FREM3: variants seen among roughly 807,000 people sequenced by gnomAD.
The protein encoded by FREM3 is FRAS1-related extracellular matrix protein 3.
In FREM3, 105 loss-of-function variants were observed where a neutral mutation model predicts 129.1. The ratio of observed to expected loss-of-function variants is 0.81; its 90% CI spans 0.69 to 0.96. The LOEUF (loss-of-function observed/expected upper bound fraction) is 0.96, where lower values mean the gene tolerates loss of function less well. FREM3 is among the 40% of genes least tolerant of loss of function. The pLI, the probability that FREM3 is intolerant of heterozygous loss-of-function variation, is 0.00. For missense variants in FREM3, 2,593 were observed against 2,666.3 expected (o/e 0.97, Z 0.61); for synonymous variants, 1,014 against 1,044.9 (o/e 0.97, Z 0.57).
intron 7 of FREM3, among the ~76,000 whole-genome samples, chr4:143,583,673 AG>A (rs1190629814): frequency 6.6e-6 from 1 of 152,110 alleles, no homozygotes; most frequent in African/African-American, 2.4e-5. Flanking sequence ...AAAAAAAAAA[AG>A]AATCTCAACC....
chr4:143,591,697 T>G (rs1738366078), intron 6 of FREM3, among the ~76,000 whole-genome samples: 1 of 152,190 alleles, frequency 6.6e-6, no homozygotes, highest in Non-Finnish European at 1.5e-5. Context: ...GGTGTGGTGC[T>G]GAAAAGAATG....
At chr4:143,642,386 T>C (rs1042210850) in intron 2 of FREM3, among the ~76,000 whole-genome samples, 4 of 152,118 alleles carry the variant, frequency 2.6e-5, no homozygotes, top group Non-Finnish European at 1.5e-5. Flanking sequence ...GACCTCAAAA[T>C]ACACTACAAA....
intron 2 of FREM3, among the ~76,000 whole-genome samples, chr4:143,674,139 G>A (rs1170726085): frequency 6.6e-6 from 1 of 152,096 alleles, no homozygotes; most frequent in Non-Finnish European, 1.5e-5. Flanking sequence ...GATGAACCCG[G>A]TACCTCAGTT....
rs540140531 is a variant in FREM3, at chr4:143,661,321, G to A, written c.5275+31792C>T. Among the ~76,000 whole-genome samples, 14 of 152,268 alleles carry A rather than the reference G, an allele frequency of 9.2e-5. No individual in the cohort carries two copies. The East Asian group carries it at 2.7e-3, about 29-fold the overall frequency. On this transcript the variant is annotated intron_variant, in intron 2 of 7. Coordinates refer to ENST00000329798, the MANE Select transcript of FREM3 (RefSeq NM_001168235.2). Reference sequence around the variant, plus strand: ...TAAGGGTTGTTGAATTTTGTCAAAGGCCTTTTCTGCATCTATTGAGATAAT... The same window carrying A: ...TAAGGGTTGTTGAATTTTGTCAAAGACCTTTTCTGCATCTATTGAGATAAT...
chr4:143,586,534 T>C (rs1018927384), intron 6 of FREM3, among the ~76,000 whole-genome samples: 15 of 152,070 alleles, frequency 9.9e-5, no homozygotes, highest in Admixed American at 3.9e-4. Flanking sequence ...TTAGCTGAGA[T>C]GCCAGAAGCG....
intron 2 of FREM3, among the ~76,000 whole-genome samples, chr4:143,677,749 C>T (rs1158012034): frequency 6.6e-6 from 1 of 152,172 alleles, no homozygotes; most frequent in Non-Finnish European, 1.5e-5. Context: ...AGACACTTCT[C>T]AAAAGAAGAC....
At position 143,699,698 on chromosome 4, in the gene FREM3, C is replaced by T. The variant is rs368005113; in HGVS notation, c.978G>A (p.Thr326=). 2.6e-6 allele frequency: 4 copies of T among 1,522,674 alleles called. No homozygotes were observed. Among genetic ancestry groups the T allele is most frequent in the South Asian group, 1.2e-5 (1 of 81,926 alleles). The allele number at this position is 1,522,674 out of a possible 1,614,324, so 94.3% of individuals were successfully genotyped here. The change falls in exon 1 of 8, where the codon ACG becomes ACA. Residue 326 remains threonine, a synonymous_variant. Transcript: ENST00000329798. The surrounding 1 kb of genome is among the most constrained non-coding windows in gnomAD (Gnocchi z 4.2). The stretch of plus-strand genomic sequence containing the variant: ...CGTCCTCCGCGGCCAGTGCGTCAGG[C>T]GTCAGGGCTGTCAGCACCAGTGGAT... The part of the protein sequence containing the change: ...EVDPLVLTAL[T]PDALAAEDVE...
chr4:143,662,281 A>G (rs1351167960), intron 2 of FREM3, among the ~76,000 whole-genome samples: 4 of 152,108 alleles, frequency 2.6e-5, no homozygotes, highest in Non-Finnish European at 5.9e-5. Flanking sequence ...AGATTCTGGT[A>G]TGTTGTGTCT....
At chr4:143,682,253 GC>G (rs1740265905) in intron 2 of FREM3, among the ~76,000 whole-genome samples, 1 of 152,114 alleles carries the variant, frequency 6.6e-6, no homozygotes. Context: ...AATTTTCCAG[GC>G]CTAAGTAACA....
At position 143,699,181 on chromosome 4, in the gene FREM3, C is replaced by T. The variant is rs969343900; in HGVS notation, c.1495G>A (p.Ala499Thr). Residue 499 changes from alanine (A) to threonine (T), a missense_variant, in exon 1 of 8, where the codon GCA becomes ACA. By Grantham distance (58) the Ala-to-Thr change is moderately conservative. This residue lies in a region of FREM3 where 2,276 missense variants were observed against 2,267.2 expected (regional missense o/e 1.00). Transcript: ENST00000329798. This position sits in a 1 kb window ranked among gnomAD's most constrained non-coding sequence, Gnocchi z 4.2. Reference sequence around the variant, plus strand: ...TGCTGATACACCACTCGCCCTGCTGCCAGGTCCGCTGGTGTGAAATACTTG... The same window carrying T: ...TGCTGATACACCACTCGCCCTGCTGTCAGGTCCGCTGGTGTGAAATACTTG... The part of the protein sequence containing the change: ...GCKYFTPADL[A>T]AGRVVYQHDG... 2 of 1,537,218 alleles carry T rather than the reference C, an allele frequency of 1.3e-6. No homozygotes were observed. The highest frequency in any genetic ancestry group is 1.7e-6 in the Non-Finnish European group (2 of 1,146,948).
rs557511697 is a variant in FREM3, at chr4:143,660,494, G to A, written c.5275+32619C>T. Among the ~76,000 whole-genome samples the A allele has an allele frequency of 4.6e-5, 7 of 152,282 alleles. No individual in the cohort carries two copies. In the South Asian group the frequency reaches 1.5e-3, roughly 32 times the overall value. On this transcript the variant is annotated intron_variant, in intron 2 of 7. Coordinates refer to ENST00000329798, the MANE Select transcript of FREM3 (RefSeq NM_001168235.2). ...CTGTTTTGGTTACTGTAGCCTTGTA[G>A]TATAGTTTGAAGTCGAGTAGCGTGA... is the stretch of plus-strand genomic sequence containing the variant.
At chr4:143,673,409 T>C (rs549354113) in intron 2 of FREM3, among the ~76,000 whole-genome samples, 2 of 152,280 alleles carry the variant, frequency 1.3e-5, no homozygotes, top group African/African-American at 2.4e-5. Context: ...GAGCAGCGAA[T>C]ATTGGTGAAC....
intron 2 of FREM3, among the ~76,000 whole-genome samples, chr4:143,665,655 A>G (rs1470619477): frequency 1.3e-5 from 2 of 152,206 alleles, no homozygotes; most frequent in East Asian, 1.9e-4. Context: ...GTGAAATCCT[A>G]TATAAAAGAC....
intron 1 of FREM3, among the ~76,000 whole-genome samples, chr4:143,694,310 A>G (rs1437147936): frequency 6.6e-6 from 1 of 152,182 alleles, no homozygotes; most frequent in Non-Finnish European, 1.5e-5. Flanking sequence ...CTGCACAAGT[A>G]TAGAGCTTGA....
chr4:143,622,959 T>G (rs893030564), intron 4 of FREM3, among the ~76,000 whole-genome samples: 2 of 152,222 alleles, frequency 1.3e-5, no homozygotes, highest in Non-Finnish European at 2.9e-5. Flanking sequence ...ATCAAAGTGT[T>G]GTTCTCAACA....
chr4:143,615,731 A>G (rs542453296), intron 5 of FREM3, among the ~76,000 whole-genome samples: 2 of 152,026 alleles, frequency 1.3e-5, no homozygotes, highest in East Asian at 3.9e-4. Flanking sequence ...AAACCCAAAA[A>G]CCCACAAACA....
chr4:143,618,691 C>T (rs889924875), intron 5 of FREM3, among the ~76,000 whole-genome samples: 6 of 152,022 alleles, frequency 3.9e-5, no homozygotes, highest in Admixed American at 1.3e-4. Flanking sequence ...GTCAGGAGTT[C>T]GAGACCAGCC....
At position 143,585,446 on chromosome 4, in the gene FREM3, T is replaced by C. The variant is rs1738222549; in HGVS notation, c.6178+398A>G. ...TTTGAAGCTAAGGCAAATGCCTGAG[T>C]CTGAAGTGAAAACCTCCTACACTTC... On this transcript the variant is annotated intron_variant, in intron 7 of 7. Transcript: ENST00000329798. The surrounding 1 kb of genome is among the most constrained non-coding windows in gnomAD (Gnocchi z 4.2). Among the ~76,000 whole-genome samples the C allele has an allele frequency of 6.6e-6, 1 of 152,090 alleles. No homozygotes were observed. Among genetic ancestry groups the C allele is most frequent in the African/African-American group, 2.4e-5 (1 of 41,394 alleles).
chr4:143,651,046 A>G (rs148709177), intron 2 of FREM3, among the ~76,000 whole-genome samples: 2 of 152,282 alleles, frequency 1.3e-5, no homozygotes, highest in African/African-American at 4.8e-5. Context: ...TAATATTCAT[A>G]TGTTTCTATT....
Sources: gnomAD v4.1 joint callset for allele counts (sites outside exome capture counted in the v4.1 genomes callset) on GRCh38, gnomAD v4.1.1 for gene constraint, gnomAD v4.1.1 regional missense constraint, Gnocchi (gnomAD v3.1) non-coding constraint, MANE v1.5 for transcripts, NCBI Gene and HGNC (gene_info 2026-07-23, HGNC 2026-07-21) for gene names.